SLIT1: variants seen among roughly 807,000 people sequenced by gnomAD.
SLIT1 encodes slit homolog 1 protein.
A neutral mutation model predicts 186.1 loss-of-function variants in SLIT1; 66 were observed. The ratio of observed to expected loss-of-function variants is 0.35; its 90% CI spans 0.29 to 0.44. The LOEUF is 0.44. SLIT1 is among the 20% of genes least tolerant of loss of function. SLIT1 has a pLI of 1.00. For missense variants in SLIT1, 1,638 were observed against 2,037.4 expected, an observed-to-expected ratio of 0.80 and a Z score of 3.77; for synonymous variants, 761 against 833.8, an observed-to-expected ratio of 0.91 and a Z score of 1.50.
chr10:97,081,869 A>C (rs1849108825), intron 4 of SLIT1, among the ~76,000 whole-genome samples: 1 of 152,228 alleles, frequency 6.6e-6, no homozygotes, highest in Non-Finnish European at 1.5e-5. Flanking sequence ...TCCTCTGCTC[A>C]GGGCTAAAGA....
Position 97,002,290 on chromosome 10 carries a change from A to G in SLIT1, c.4234T>C (p.Cys1412Arg), listed in dbSNP as rs1371346686. ...QCQDGYSGAL[C>R]NQAGALAEPC... is the part of the protein sequence containing the mutation. Reference sequence around the variant, plus strand: ...TCTGCCAGGGCCCCGGCCTGGTTGCACAGTGCCCCCGAGTACCCATCCTGG... The same window carrying G: ...TCTGCCAGGGCCCCGGCCTGGTTGCGCAGTGCCCCCGAGTACCCATCCTGG... The change falls in exon 36 of 37, where the codon TGC becomes CGC. Residue 1412 changes from cysteine (C) to arginine (R), a missense_variant. This residue lies in a region of SLIT1 where 220 missense variants were observed against 211.3 expected (regional missense o/e 1.04). Transcript: ENST00000266058. 4 of 1,610,764 alleles carry G rather than the reference A, an allele frequency of 2.5e-6. No individual in the cohort carries two copies. Among genetic ancestry groups the G allele is most frequent in the Non-Finnish European group, 2.5e-6 (3 of 1,179,162 alleles).
chr10:97,165,929 G>A (rs906067257), intron 1 of SLIT1, among the ~76,000 whole-genome samples: 1 of 152,044 alleles, frequency 6.6e-6, no homozygotes, highest in Non-Finnish European at 1.5e-5. Context: ...ACCATTCCAG[G>A]AGGGAGGCTC....
intron 4 of SLIT1, among the ~76,000 whole-genome samples, chr10:97,089,917 C>T (rs866278548): frequency 3.3e-5 from 5 of 152,296 alleles, no homozygotes; most frequent in Middle Eastern, 3.4e-3. Context: ...CTAACATCTC[C>T]GTGCCTCTCT....
chr10:97,030,731 C>T (rs1333358570), intron 25 of SLIT1, 26 bp downstream of exon 25: 1 of 1,590,002 alleles, frequency 6.3e-7, no homozygotes, highest in Non-Finnish European at 8.6e-7. Context: ...CCAAAGAGGC[C>T]CAGAGAAAGG....
At position 97,094,690 on chromosome 10, in the gene SLIT1, C is replaced by T. The variant is rs7922048; in HGVS notation, c.414-28604G>A. 2.5e-3 allele frequency among the ~76,000 whole-genome samples: 378 copies of T among 152,286 alleles called. 3 individuals are homozygous for T. Among genetic ancestry groups the T allele is most frequent in the African/African-American group, 8.3e-3 (347 of 41,566 alleles). The stretch of plus-strand genomic sequence containing the variant: ...AGAAATTGCCTGGTGTGATAAGCAT[C>T]GAGCACAGTGCCTAGGGAGAAATCA... On this transcript the variant is annotated intron_variant, in intron 4 of 36. Coordinates refer to ENST00000266058, the MANE Select transcript of SLIT1 (RefSeq NM_003061.3).
At chr10:97,042,456 G>C (rs1303931730) in intron 20 of SLIT1, among the ~76,000 whole-genome samples, 1 of 152,114 alleles carries the variant, frequency 6.6e-6, no homozygotes, top group African/African-American at 2.4e-5. Flanking sequence ...TTGGAGCAAA[G>C]AGTGACCAGG....
Position 97,055,914 on chromosome 10 carries a change from C to T in SLIT1, c.1301+407G>A, listed in dbSNP as rs147147259. Reference sequence around the variant, plus strand: ...TGCATCCCAGTTTCAGAGCTGTTAACGTGGAAACAACATGTGTCTTAGAAT... The same window carrying T: ...TGCATCCCAGTTTCAGAGCTGTTAATGTGGAAACAACATGTGTCTTAGAAT... On this transcript the variant is annotated intron_variant, in intron 13 of 36. Coordinates refer to ENST00000266058, the MANE Select transcript of SLIT1 (RefSeq NM_003061.3). Among the ~76,000 whole-genome samples the T allele has an allele frequency of 1.8e-3, 276 of 152,240 alleles. 2 individuals are homozygous for T. The highest frequency in any genetic ancestry group is 2.5e-3 in the Non-Finnish European group (170 of 68,022).
chr10:97,018,179 C>G (rs1454989813), intron 28 of SLIT1, among the ~76,000 whole-genome samples: 2 of 152,128 alleles, frequency 1.3e-5, no homozygotes, highest in Non-Finnish European at 2.9e-5. Flanking sequence ...TCAAACACCC[C>G]TGCTGTGGTC....
At chr10:97,076,382 C>T (rs560668814) in intron 4 of SLIT1, among the ~76,000 whole-genome samples, 6 of 152,278 alleles carry the variant, frequency 3.9e-5, no homozygotes, top group East Asian at 3.9e-4. Context: ...ATGGGTGGGA[C>T]GCTGGGATGC....
At chr10:97,063,121 T>G (rs1848908460) in intron 8 of SLIT1, among the ~76,000 whole-genome samples, 1 of 150,556 alleles carries the variant, frequency 6.6e-6, no homozygotes, top group African/African-American at 2.5e-5. Flanking sequence ...ACAAAGAGGG[T>G]GATGAGTGGA....
At chr10:97,029,606 C>T (rs555893935) in intron 25 of SLIT1, among the ~76,000 whole-genome samples, 10 of 152,300 alleles carry the variant, frequency 6.6e-5, no homozygotes, top group South Asian at 2.1e-4. Context: ...TTTTTGATTT[C>T]GTCTGTTTTT....
At chr10:97,081,853 G>A (rs146752768) in intron 4 of SLIT1, among the ~76,000 whole-genome samples, 26 of 152,244 alleles carry the variant, frequency 1.7e-4, no homozygotes, top group African/African-American at 5.8e-4. Flanking sequence ...TCCATCCGGC[G>A]GCTCTTCCTC....
intron 1 of SLIT1, among the ~76,000 whole-genome samples, chr10:97,183,647 C>T (rs781026581): frequency 2.6e-5 from 4 of 152,132 alleles, no homozygotes; most frequent in Non-Finnish European, 5.9e-5. Flanking sequence ...CACAAAAGAG[C>T]TAAAGAGTTC....
chr10:97,026,729 A>T (rs554646539), intron 25 of SLIT1, among the ~76,000 whole-genome samples: 13 of 152,312 alleles, frequency 8.5e-5, no homozygotes, highest in African/African-American at 2.9e-4. Flanking sequence ...ATATTTGCTG[A>T]TGGCTGGCTG....
chr10:97,183,839 G>A (rs1054484050), intron 1 of SLIT1, among the ~76,000 whole-genome samples: 3 of 152,024 alleles, frequency 2.0e-5, no homozygotes, highest in Non-Finnish European at 4.4e-5. Context: ...AGGTACAGAG[G>A]GGACAGGCAT....
chr10:97,082,656 G>C (rs1335197653), intron 4 of SLIT1, among the ~76,000 whole-genome samples: 1 of 152,086 alleles, frequency 6.6e-6, no homozygotes, highest in Non-Finnish European at 1.5e-5. Flanking sequence ...GGATGGCCTC[G>C]ATCTCCTGAC....
chr10:97,037,856 C>T (rs1026323268), intron 21 of SLIT1, 90 bp from the exon 22 acceptor site: 6 of 1,042,972 alleles, frequency 5.8e-6, no homozygotes, highest in African/African-American at 3.1e-5. Context: ...CCAGGGACTT[C>T]GCTCTCATTT....
chr10:97,099,445 T>C (rs1378907052), intron 4 of SLIT1, among the ~76,000 whole-genome samples: 1 of 147,262 alleles, frequency 6.8e-6, no homozygotes, highest in African/African-American at 2.5e-5. Context: ...AGAAAAAGAC[T>C]CCAGGTTGGG....
At chr10:97,170,787 G>T (rs1422737519) in intron 1 of SLIT1, among the ~76,000 whole-genome samples, 1 of 152,144 alleles carries the variant, frequency 6.6e-6, no homozygotes. Flanking sequence ...AAACACACAA[G>T]GATGTCTTGA....
Sources: gnomAD v4.1 joint callset for allele counts (sites outside exome capture counted in the v4.1 genomes callset) on GRCh38, gnomAD v4.1.1 for gene constraint, gnomAD v4.1.1 regional missense constraint, MANE v1.5 for transcripts, NCBI Gene and HGNC (gene_info 2026-07-23, HGNC 2026-07-21) for gene names.